Variants in SPECC1L observed in about 807,000 individuals in gnomAD.
SPECC1L encodes the protein cytospin-A.
A neutral mutation model predicts 116.8 loss-of-function variants in SPECC1L; 40 were observed. The ratio of observed to expected loss-of-function variants is 0.34; its 90% CI spans 0.27 to 0.45. The LOEUF (loss-of-function observed/expected upper bound fraction) is 0.45. Among genes scored for constraint, SPECC1L ranks in the 20% least tolerant of loss-of-function variants. The pLI is 1.00. For synonymous variants in SPECC1L, 504 were observed against 500.6 expected (o/e 1.01, Z -0.09); for missense variants, 1,110 against 1,373.6 (o/e 0.81, Z 3.03).
At chr22:24,367,423 A>ATT (rs60939564) in intron 13 of SPECC1L, among the ~76,000 whole-genome samples, 12 of 145,098 alleles carry the variant, frequency 8.3e-5, no homozygotes, top group African/African-American at 2.8e-4. Flanking sequence ...ATATTATGAG[A>ATT]TTTTTTTTTT....
intron 14 of SPECC1L, among the ~76,000 whole-genome samples, chr22:24,409,250 A>G (rs1350048819): frequency 2.6e-5 from 4 of 152,220 alleles, no homozygotes; most frequent in Non-Finnish European, 4.4e-5. Flanking sequence ...ATTGAATAAT[A>G]AAATTTGGGC....
At chr22:24,303,981 A>G (rs1282813657) in intron 3 of SPECC1L, among the ~76,000 whole-genome samples, 2 of 152,040 alleles carry the variant, frequency 1.3e-5, no homozygotes, top group Non-Finnish European at 2.9e-5. Flanking sequence ...GGAAAAAGTC[A>G]TTAAATGGAG....
intron 1 of SPECC1L, among the ~76,000 whole-genome samples, chr22:24,272,753 A>G (rs1301921773): frequency 6.6e-6 from 1 of 152,096 alleles, no homozygotes; most frequent in East Asian, 1.9e-4. Flanking sequence ...TGAAAGGAGA[A>G]GTATTGTTGT....
chr22:24,402,994 T>G (rs1421674710), intron 14 of SPECC1L, among the ~76,000 whole-genome samples: 9 of 152,224 alleles, frequency 5.9e-5, no homozygotes. Flanking sequence ...GTTTCCATCC[T>G]TGGTCAAGAA....
In SPECC1L at chr22:24,334,592, A is replaced by G; in HGVS notation, c.2560+19A>G. 1 of 1,613,560 alleles carries G rather than the reference A, an allele frequency of 6.2e-7. No homozygotes were observed. The highest frequency in any genetic ancestry group is 2.2e-5 in the East Asian group (1 of 44,870). ...TCTCAAGGTAATTAATTTCTCCTAC[A>G]TTGTGCCTACTGCATGCGGTTGTGT... On this transcript the variant is annotated intron_variant, in intron 9 of 16. Transcript: ENST00000314328.
At chr22:24,284,094 A>T (rs540171474) in intron 2 of SPECC1L, among the ~76,000 whole-genome samples, 2 of 151,768 alleles carry the variant, frequency 1.3e-5, no homozygotes, top group Admixed American at 6.6e-5. Flanking sequence ...TTTTGCTTAG[A>T]TGTTTATTCT....
intron 13 of SPECC1L, among the ~76,000 whole-genome samples, chr22:24,366,850 C>G (rs2041777974): frequency 6.6e-6 from 1 of 152,138 alleles, no homozygotes. Flanking sequence ...AAAAATTTAG[C>G]ATACGTTGTT....
chr22:24,368,209 C>G (rs982600599), intron 13 of SPECC1L, among the ~76,000 whole-genome samples: 1 of 152,086 alleles, frequency 6.6e-6, no homozygotes, highest in African/African-American at 2.4e-5. Flanking sequence ...GGAATTTTAA[C>G]CCCCCCAAAC....
chr22:24,408,030 C>T lies in SPECC1L; in HGVS notation c.3088-3558C>T, dbSNP rs116448137. On this transcript the variant is annotated intron_variant, in intron 14 of 16. Coordinates refer to ENST00000314328, the MANE Select transcript of SPECC1L (RefSeq NM_015330.6). Reference sequence around the variant, plus strand: ...GGCCTGGGTGAGTGTCTTGGCCTCTCGGAGCCTCACCCTCCTTCCAGACTG... The same window carrying T: ...GGCCTGGGTGAGTGTCTTGGCCTCTTGGAGCCTCACCCTCCTTCCAGACTG... Among the ~76,000 whole-genome samples, 862 of 152,286 alleles carry T rather than the reference C, an allele frequency of 5.7e-3. 4 individuals carry two copies. The highest frequency in any genetic ancestry group is 0.02 in the African/African-American group (828 of 41,546).
At chr22:24,281,284 A>G (rs929891585) in intron 2 of SPECC1L, among the ~76,000 whole-genome samples, 3 of 152,184 alleles carry the variant, frequency 2.0e-5, no homozygotes, top group East Asian at 1.9e-4. Context: ...TTCAACAATT[A>G]TCAGTCCTAG....
At chr22:24,315,387 G>GTGTCTT (rs2040539726) in intron 4 of SPECC1L, among the ~76,000 whole-genome samples, 2 of 152,278 alleles carry the variant, frequency 1.3e-5, no homozygotes, top group South Asian at 4.1e-4. Context: ...GAAAGCTTAA[G>GTGTCTT]TGTCTTGGCC....
chr22:24,325,174 T>C (rs1456286534), intron 6 of SPECC1L, among the ~76,000 whole-genome samples: 1 of 152,218 alleles, frequency 6.6e-6, no homozygotes, highest in Non-Finnish European at 1.5e-5. Context: ...AGTAGTTCTT[T>C]TCCTTGGTCG....
chr22:24,362,472 G>T (rs1007822911), intron 11 of SPECC1L, among the ~76,000 whole-genome samples: 1 of 152,198 alleles, frequency 6.6e-6, no homozygotes, highest in East Asian at 1.9e-4. Context: ...ATATCTGATT[G>T]TGTCCTTCCC....
chr22:24,363,050 GA>G (rs1185909048), intron 11 of SPECC1L, among the ~76,000 whole-genome samples: 1 of 152,154 alleles, frequency 6.6e-6, no homozygotes, highest in Non-Finnish European at 1.5e-5. Flanking sequence ...CATTCCTAGA[GA>G]TAAAACATTG....
intron 3 of SPECC1L, among the ~76,000 whole-genome samples, chr22:24,303,844 G>GGGGTGT (rs1429613944): frequency 1.4e-5 from 2 of 143,990 alleles, no homozygotes; most frequent in South Asian, 2.2e-4. Flanking sequence ...GTTTAAATAG[G>GGGGTGT]GTGTGTGTGT....
At chr22:24,343,643 T>C (rs1251158277) in intron 10 of SPECC1L, 1 of 262,332 alleles carries the variant, frequency 3.8e-6, no homozygotes, top group African/African-American at 2.4e-5. Context: ...GTATTTTTAG[T>C]AGAGATGGGG....
At chr22:24,311,630 C>T (rs1246182393) in intron 3 of SPECC1L, among the ~76,000 whole-genome samples, 1 of 152,022 alleles carries the variant, frequency 6.6e-6, no homozygotes, top group East Asian at 1.9e-4. Flanking sequence ...CGTGGGAATA[C>T]CCCATCTCTA....
At chr22:24,378,608 A>G (rs1381781980) in intron 14 of SPECC1L, among the ~76,000 whole-genome samples, 1 of 152,198 alleles carries the variant, frequency 6.6e-6, no homozygotes, top group Non-Finnish European at 1.5e-5. Context: ...TTACTTGAAC[A>G]CTTAGAGGCC....
At chr22:24,332,734 G>C (rs920012714) in intron 8 of SPECC1L, among the ~76,000 whole-genome samples, 3 of 151,498 alleles carry the variant, frequency 2.0e-5, no homozygotes, top group African/African-American at 7.3e-5. Flanking sequence ...GGAAAACTTA[G>C]TTATTTTTCA....
Sources: gnomAD v4.1 joint callset for allele counts (sites outside exome capture counted in the v4.1 genomes callset) on GRCh38, gnomAD v4.1.1 for gene constraint, MANE v1.5 for transcripts, NCBI Gene and HGNC (gene_info 2026-07-23, HGNC 2026-07-21) for gene names.